Variants in TCF12 observed in about 807,000 individuals in gnomAD.
TCF12 encodes the protein transcription factor 12, also known as DNA-binding protein HTF4.
TCF12 carries 45 observed loss-of-function variants against 86.0 expected under a neutral mutation model. The ratio of observed to expected loss-of-function variants is 0.52; its 90% CI spans 0.41 to 0.67. TCF12 has a LOEUF of 0.67. Ranked by LOEUF, TCF12 falls within the 30% of genes least tolerant of loss-of-function variation. The pLI, the probability that TCF12 is intolerant of heterozygous loss-of-function variation, is 0.00. For synonymous variants in TCF12, 330 were observed against 299.6 expected, an observed-to-expected ratio of 1.10 and a Z score of -1.05; for missense variants, 881 against 859.9, an observed-to-expected ratio of 1.02 and a Z score of -0.31.
At chr15:57,264,894 G>A (rs987661261) in intron 18 of TCF12, among the ~76,000 whole-genome samples, 6 of 151,494 alleles carry the variant, frequency 4.0e-5, no homozygotes, top group African/African-American at 1.2e-4. Context: ...CATGCCCGGC[G>A]AATTTTTGTA....
At chr15:56,989,053 A>G (rs1462635656) in intron 3 of TCF12, among the ~76,000 whole-genome samples, 2 of 152,204 alleles carry the variant, frequency 1.3e-5, no homozygotes, top group Non-Finnish European at 2.9e-5. Flanking sequence ...TTTAAAAATA[A>G]CATTTTCCAA....
At chr15:57,239,604 CACTT>C (rs1251123573) in intron 12 of TCF12, among the ~76,000 whole-genome samples, 1 of 149,816 alleles carries the variant, frequency 6.7e-6, no homozygotes, top group Non-Finnish European at 1.5e-5. Flanking sequence ...GAAATATAAA[CACTT>C]AAGTAGTCCA....
At chr15:57,092,372 C>T (rs1300794595) in intron 5 of TCF12, among the ~76,000 whole-genome samples, 1 of 152,126 alleles carries the variant, frequency 6.6e-6, no homozygotes, top group Non-Finnish European at 1.5e-5. Context: ...AAGCACTTGG[C>T]TTCATACTAG....
intron 3 of TCF12, among the ~76,000 whole-genome samples, chr15:56,924,430 T>C (rs1001996416): frequency 2.6e-5 from 4 of 152,226 alleles, no homozygotes; most frequent in Admixed American, 6.5e-5. Flanking sequence ...TACTTGAACA[T>C]ATCAAGAACA....
intron 3 of TCF12, among the ~76,000 whole-genome samples, chr15:57,028,530 A>G (rs2065958120): frequency 6.6e-6 from 1 of 152,184 alleles, no homozygotes; most frequent in Non-Finnish European, 1.5e-5. Context: ...CCGTTTTTAA[A>G]TCAAGTTGCC....
At chr15:57,206,767 T>C (rs1479919349) in intron 8 of TCF12, among the ~76,000 whole-genome samples, 1 of 151,342 alleles carries the variant, frequency 6.6e-6, no homozygotes, top group East Asian at 1.9e-4. Flanking sequence ...TAAACTTAGA[T>C]ATATTTGTGC....
chr15:57,253,213 C>CTT, intron 15 of TCF12, 49 bp from the exon 16 acceptor site: 1 of 1,599,988 alleles, frequency 6.3e-7, no homozygotes, highest in Admixed American at 1.7e-5. Context: ...GTTAATGAAT[C>CTT]TAACAGATGC....
chr15:57,217,053 C>G (rs187526551), intron 8 of TCF12, among the ~76,000 whole-genome samples: 130 of 152,028 alleles, frequency 8.6e-4, no homozygotes, highest in Non-Finnish European at 1.4e-3. Context: ...GTAGTGTATA[C>G]CAAGTGACTA....
intron 3 of TCF12, among the ~76,000 whole-genome samples, chr15:56,947,521 C>T (rs1341502278): frequency 1.3e-5 from 2 of 152,142 alleles, no homozygotes; most frequent in African/African-American, 2.4e-5. Context: ...CAAATTGTTT[C>T]CAGATAGGAA....
At chr15:56,988,904 T>C (rs2063317169) in intron 3 of TCF12, among the ~76,000 whole-genome samples, 1 of 152,176 alleles carries the variant, frequency 6.6e-6, no homozygotes, top group South Asian at 2.1e-4. Context: ...AGCTGTATCA[T>C]ATAACTCAAT....
At chr15:56,923,139 T>G (rs888146616) in intron 3 of TCF12, among the ~76,000 whole-genome samples, 2 of 152,092 alleles carry the variant, frequency 1.3e-5, no homozygotes, top group African/African-American at 2.4e-5. Flanking sequence ...ATTTGACTTA[T>G]GAAAACTAGA....
At chr15:57,021,741 T>C (rs1485443910) in intron 3 of TCF12, among the ~76,000 whole-genome samples, 2 of 109,314 alleles carry the variant, frequency 1.8e-5, no homozygotes, top group Non-Finnish European at 3.6e-5. Context: ...CATTTATACT[T>C]AGATTTTTTT....
intron 5 of TCF12, among the ~76,000 whole-genome samples, chr15:57,116,645 C>T (rs948295836): frequency 1.2e-4 from 18 of 152,112 alleles, no homozygotes; most frequent in African/African-American, 4.3e-4. Flanking sequence ...CTGAACCCAG[C>T]AGTAAATATT....
chr15:56,990,262 T>C (rs2063385869), intron 3 of TCF12, among the ~76,000 whole-genome samples: 1 of 150,312 alleles, frequency 6.7e-6, no homozygotes, highest in Non-Finnish European at 1.5e-5. Flanking sequence ...TGTGCGTGTG[T>C]GTGTGTGTGT....
intron 18 of TCF12, among the ~76,000 whole-genome samples, chr15:57,264,172 TTTTC>T (rs1288571158): frequency 6.7e-6 from 1 of 149,650 alleles, no homozygotes; most frequent in African/African-American, 2.5e-5. Flanking sequence ...CAAAAATATA[TTTTC>T]TTTAAGTTCT....
At chr15:57,134,270 G>A (rs2052361906) in intron 5 of TCF12, 1 of 152,150 alleles carries the variant, frequency 6.6e-6, no homozygotes, top group Non-Finnish European at 1.5e-5. Flanking sequence ...AATAATCAAT[G>A]ACATTTCAAC....
chr15:57,200,114 T>C (rs986596052), intron 8 of TCF12, among the ~76,000 whole-genome samples: 1 of 149,998 alleles, frequency 6.7e-6, no homozygotes, highest in Non-Finnish European at 1.5e-5. Context: ...ACTCCTGGGC[T>C]CTGTGCTTCT....
chr15:57,142,018 G>A (rs115730910), intron 5 of TCF12, among the ~76,000 whole-genome samples: 1,763 of 152,254 alleles, frequency 0.012, 34 homozygotes, highest in African/African-American at 0.04. Context: ...ACAGTCCTTG[G>A]TTTTGTGCAG....
chr15:56,976,423 G>A (rs1373155254), intron 3 of TCF12, among the ~76,000 whole-genome samples: 1 of 151,056 alleles, frequency 6.6e-6, no homozygotes, highest in Non-Finnish European at 1.5e-5. Context: ...ATTTTTAGTA[G>A]AGATGGGGTT....
Sources: allele counts gnomAD v4.1 joint callset (sites outside exome capture counted in the v4.1 genomes callset), GRCh38; gene constraint gnomAD v4.1.1; transcripts MANE v1.5; gene names NCBI Gene and HGNC (gene_info 2026-07-23, HGNC 2026-07-21).